MYOM1: variants seen among roughly 807,000 people sequenced by gnomAD.
MYOM1 encodes myomesin-1.
Under a neutral mutation model 205.3 loss-of-function variants are expected in MYOM1, and 164 were observed. The ratio of observed to expected loss-of-function variants is 0.80; its 90% CI spans 0.70 to 0.91. MYOM1 has a LOEUF of 0.91. Among genes scored for constraint, MYOM1 ranks in the 40% least tolerant of loss-of-function variants. MYOM1 has a pLI of 0.00. For missense variants in MYOM1, 2,011 were observed against 2,127.3 expected, an observed-to-expected ratio of 0.95 and a Z score of 1.08; for synonymous variants, 772 against 789.4, an observed-to-expected ratio of 0.98 and a Z score of 0.37.
At position 3,197,599 on chromosome 18, in the gene MYOM1, C is replaced by T. The variant is rs544859230; in HGVS notation, c.291-3641G>A. On this transcript the variant is annotated intron_variant, in intron 2 of 37. Transcript: ENST00000356443. The stretch of plus-strand genomic sequence containing the variant: ...TAAAAAAAGAAGTGTTAAGGCTGGG[C>T]GCGGTGGCTCACGCCTGTAATCCCA... 2.8e-4 allele frequency among the ~76,000 whole-genome samples: 42 copies of T among 152,084 alleles called. No homozygotes were observed. The East Asian group carries it at 3.1e-3, about 11-fold the overall frequency.
chr18:3,176,406 A>G (rs902940127), intron 5 of MYOM1, among the ~76,000 whole-genome samples: 16 of 152,348 alleles, frequency 1.1e-4, no homozygotes, highest in African/African-American at 3.6e-4. Context: ...CATGTAACAT[A>G]GTTACCGAAA....
intron 25 of MYOM1, among the ~76,000 whole-genome samples, chr18:3,099,097 G>A (rs1234804340): frequency 6.6e-6 from 1 of 152,198 alleles, no homozygotes. Flanking sequence ...GGGAGTACAG[G>A]TGTGAACCGC....
intron 34 of MYOM1, among the ~76,000 whole-genome samples, chr18:3,077,100 A>C (rs1281647759): frequency 3.4e-5 from 5 of 148,988 alleles, no homozygotes; most frequent in Admixed American, 6.7e-5. Context: ...GTAGCCTCGA[A>C]CTCCTGGGCT....
chr18:3,081,212 C>A (rs7244954), intron 33 of MYOM1, among the ~76,000 whole-genome samples: 19,689 of 151,846 alleles, frequency 0.13, 1,487 homozygotes, highest in African/African-American at 0.21. Context: ...AATCTTTAAT[C>A]TCTGGGTAAC....
Position 3,135,682 on chromosome 18 carries a change from C to G in MYOM1, c.2074G>C (p.Val692Leu). 2 of 1,613,966 alleles carry G rather than the reference C, an allele frequency of 1.2e-6. No homozygotes were observed. Among genetic ancestry groups the G allele is most frequent in the Non-Finnish European group, 1.7e-6 (2 of 1,179,872 alleles). Residue 692 changes from valine to leucine, a missense_variant, in exon 15 of 38, where the codon GTG (valine) becomes CTG (leucine). Physicochemically the swap from Val to Leu is conservative, Grantham distance 32. Coordinates refer to ENST00000356443, the MANE Select transcript of MYOM1 (RefSeq NM_003803.4). The surrounding 1 kb of genome is among the most constrained non-coding windows in gnomAD (Gnocchi z 4.1). The stretch of plus-strand genomic sequence containing the variant: ...AACAGAGCAAAGCGGGGAGACTTCA[C>G]AGGGAGCTCCGTGTTCACTCGCTGC... The part of the protein sequence containing the change: ...NWQRVNTELP[V>L]KSPRFALFDL...
the MYOM1 span, among the ~76,000 whole-genome samples, chr18:3,225,045 T>C: frequency 1.4e-4 from 21 of 152,260 alleles, no homozygotes; most frequent in South Asian, 3.5e-3. Context: ...TGGAGCGCAG[T>C]GGCGCCATCT....
At chr18:3,110,454 G>T (rs1429151642) in intron 22 of MYOM1, among the ~76,000 whole-genome samples, 2 of 152,144 alleles carry the variant, frequency 1.3e-5, no homozygotes, top group Non-Finnish European at 2.9e-5. Flanking sequence ...CAAGACGACT[G>T]GGGTGAAGTG....
the MYOM1 span, among the ~76,000 whole-genome samples, chr18:3,229,590 C>CA: frequency 6.6e-6 from 1 of 152,158 alleles, no homozygotes; most frequent in Admixed American, 6.5e-5. Flanking sequence ...TGTATAATGT[C>CA]ATCAACCAAA....
chr18:3,162,879 A>T (rs1407537448), intron 10 of MYOM1, among the ~76,000 whole-genome samples: 1 of 152,038 alleles, frequency 6.6e-6, no homozygotes, highest in African/African-American at 2.4e-5. Flanking sequence ...CAAAAAAATT[A>T]GCCGGGCATG....
the MYOM1 span, among the ~76,000 whole-genome samples, chr18:3,229,309 T>G: frequency 6.6e-6 from 1 of 150,952 alleles, no homozygotes; most frequent in Non-Finnish European, 1.5e-5. Context: ...GACAATTAAC[T>G]CCATATCTCT....
At chr18:3,132,720 G>A in intron 16 of MYOM1, among the ~76,000 whole-genome samples, 1 of 152,106 alleles carries the variant, frequency 6.6e-6, no homozygotes, top group East Asian at 1.9e-4. Flanking sequence ...TATAGAATCT[G>A]AAGATAAGGT....
intron 33 of MYOM1, among the ~76,000 whole-genome samples, chr18:3,083,282 C>A (rs998865387): frequency 1.3e-5 from 2 of 152,130 alleles, no homozygotes; most frequent in African/African-American, 4.8e-5. Flanking sequence ...GGATGTTTAT[C>A]TCCTGGGCTC....
chr18:3,153,603 C>T (rs2080250822), intron 11 of MYOM1, among the ~76,000 whole-genome samples: 2 of 152,154 alleles, frequency 1.3e-5, no homozygotes, highest in African/African-American at 4.8e-5. Flanking sequence ...TATATCTAAA[C>T]CTTCACAATT....
chr18:3,193,381 C>CACACACACACAA lies in MYOM1; in HGVS notation c.431+436_431+437insTTGTGTGTGTGT, dbSNP rs139388864. ...ATATATACACACACACACACACACACAATAATAAAAATTCACCCAACATTT... is the reference window on the plus strand; with the variant it reads ...ATATATACACACACACACACACACACACACACACACAAAATAATAAAAATTCACCCAACATTT... On this transcript the variant is annotated intron_variant, in intron 3 of 37. Transcript: ENST00000356443. 7.8e-3 allele frequency among the ~76,000 whole-genome samples: 1,108 copies of CACACACACACAA among 141,388 alleles called. 9 individuals carry two copies. Among genetic ancestry groups the CACACACACACAA allele is most frequent in the Admixed American group, 0.01 (151 of 14,466 alleles). 92.8% of individuals were successfully genotyped at this position (141,388 alleles called of 152,430 possible).
In MYOM1 at chr18:3,155,072, A is replaced by G. The variant is rs1369761127; in HGVS notation, c.1518T>C (p.Ile506=). Reference sequence around the variant, plus strand: ...CCAAGGGAGCAGCTGGGGCTCCTTCAATCTCTGCATCAGCATCTGTGGAGA... The same window carrying G: ...CCAAGGGAGCAGCTGGGGCTCCTTCGATCTCTGCATCAGCATCTGTGGAGA... ...YVFVRDADAE[I]EGAPAAPLDV... Residue 506 remains isoleucine, a synonymous_variant, in exon 11 of 38, where the codon ATT becomes ATC. Coordinates refer to ENST00000356443, the MANE Select transcript of MYOM1 (RefSeq NM_003803.4). 6.2e-7 allele frequency: 1 copy of G among 1,612,556 alleles called. No homozygotes were observed. The highest frequency in any genetic ancestry group is 8.5e-7 in the Non-Finnish European group (1 of 1,179,256).
intron 10 of MYOM1, 44 bp downstream of exon 10, chr18:3,164,234 T>C: frequency 1.9e-6 from 3 of 1,581,816 alleles, no homozygotes; most frequent in Non-Finnish European, 2.6e-6. Flanking sequence ...TTGGCTTCAG[T>C]GTACTAAATA....
chr18:3,227,086 C>T, the MYOM1 span, among the ~76,000 whole-genome samples: 1 of 152,166 alleles, frequency 6.6e-6, no homozygotes, highest in South Asian at 2.1e-4. Context: ...CATTTTCTAA[C>T]ATTTTTTGTC....
chr18:3,175,750 G>A (rs2080629110), intron 6 of MYOM1, among the ~76,000 whole-genome samples: 1 of 152,082 alleles, frequency 6.6e-6, no homozygotes, highest in Non-Finnish European at 1.5e-5. Flanking sequence ...TTACATCTAA[G>A]AAAAATTCCC....
Position 3,090,839 on chromosome 18 carries a change from A to C in MYOM1, c.3865-37T>G, listed in dbSNP as rs778069686. On this transcript the variant is annotated intron_variant, in intron 26 of 37. Coordinates refer to ENST00000356443, the MANE Select transcript of MYOM1 (RefSeq NM_003803.4). ...AAAGAAAATGACAGAGAAATCACTG[A>C]GGCATATATTTTACTTGGAATGACA... The C allele has an allele frequency of 1.7e-5, 27 of 1,611,136 alleles. No individual in the cohort carries two copies. In the East Asian group the frequency reaches 5.6e-4, roughly 33 times the overall value.
Sources: gnomAD v4.1 joint callset for allele counts (sites outside exome capture counted in the v4.1 genomes callset) on GRCh38, gnomAD v4.1.1 for gene constraint, Gnocchi (gnomAD v3.1) non-coding constraint, MANE v1.5 for transcripts, NCBI Gene and HGNC (gene_info 2026-07-23, HGNC 2026-07-21) for gene names.